WDR44: variants seen among roughly 807,000 people sequenced by gnomAD.
WDR44 encodes the protein WD repeat-containing protein 44.
A neutral mutation model predicts 65.7 loss-of-function variants in WDR44; 9 were observed. The ratio of observed to expected loss-of-function variants is 0.14; its 90% CI spans 0.08 to 0.24. WDR44 has a LOEUF of 0.24. Among genes scored for constraint, WDR44 ranks in the 10% least tolerant of loss-of-function variants. The pLI is 1.00. For missense variants in WDR44, 425 were observed against 670.9 expected (o/e 0.63, Z 4.05); for synonymous variants, 220 against 235.2 (o/e 0.94, Z 0.59).
intron 1 of WDR44, among the ~76,000 whole-genome samples, chrX:118,355,847 A>T (rs2056454089): frequency 9.0e-6 from 1 of 111,528 alleles, no homozygotes; most frequent in South Asian, 3.8e-4. Context: ...TTCCTATAAG[A>T]GGAGGTAGGT....
intron 8 of WDR44, 46 bp downstream of exon 8, chrX:118,398,516 A>G: frequency 9.7e-7 from 1 of 1,028,905 alleles, no homozygotes. Context: ...TTTTTATTTA[A>G]AAAAATATGA....
chrX:118,367,274 C>T (rs2056563037), intron 1 of WDR44, among the ~76,000 whole-genome samples: 1 of 111,438 alleles, frequency 9.0e-6, no homozygotes, highest in Admixed American at 9.6e-5. Context: ...TGGAAAAACT[C>T]CCCCTAAATA....
intron 12 of WDR44, among the ~76,000 whole-genome samples, chrX:118,430,837 G>A (rs1011130317): frequency 2.7e-5 from 3 of 111,416 alleles, no homozygotes; most frequent in Non-Finnish European, 3.8e-5. Flanking sequence ...GTGAAACTCC[G>A]AATCTGATTT....
chrX:118,346,834 TTC>T (rs2056355602), intron 1 of WDR44, among the ~76,000 whole-genome samples: 1 of 111,488 alleles, frequency 9.0e-6, no homozygotes, highest in Admixed American at 9.5e-5. Flanking sequence ...CGGAGCCCGT[TTC>T]TCTTCTGATC....
intron 1 of WDR44, among the ~76,000 whole-genome samples, chrX:118,351,601 T>G (rs2056403235): frequency 9.0e-6 from 1 of 111,730 alleles, no homozygotes; most frequent in Non-Finnish European, 1.9e-5. Flanking sequence ...AACATCATAT[T>G]GAAGTGAGAA....
intron 1 of WDR44, among the ~76,000 whole-genome samples, chrX:118,361,425 C>T (rs974382733): frequency 1.8e-5 from 2 of 111,537 alleles, no homozygotes; most frequent in Non-Finnish European, 3.8e-5. Context: ...TCTTTGAAAC[C>T]ACAGAAATTT....
Position 118,427,375 on chromosome X carries a change from A to G in WDR44, c.1738-5406A>G, listed in dbSNP as rs181414061. Among the ~76,000 whole-genome samples the G allele has an allele frequency of 8.7e-3, 924 of 105,716 alleles. 6 individuals carry two copies. The highest frequency in any genetic ancestry group is 0.029 in the African/African-American group (826 of 28,773). 91.8% of individuals were successfully genotyped at this position (105,716 alleles called of 115,157 possible). On this transcript the variant is annotated intron_variant, in intron 12 of 19. Transcript: ENST00000254029. ...AAGCTCCGCCTCCCGGGTTCACGCC[A>G]TTCTCCTGCCTCAGCCTCCCGAGTA...
chrX:118,388,152 A>G (rs986271286), intron 3 of WDR44, among the ~76,000 whole-genome samples: 5 of 112,068 alleles, frequency 4.5e-5, no homozygotes, highest in South Asian at 3.7e-4. Context: ...CTAAATGCCA[A>G]TAGCATCCTC....
rs566583864 is a variant in WDR44 at position 118,393,955 on chromosome X, G to C, written c.827-100G>C. On this transcript the variant is annotated intron_variant, in intron 4 of 19. Coordinates refer to ENST00000254029, the MANE Select transcript of WDR44 (RefSeq NM_019045.5). ...AACTTGTTTGAACCATGGTTTCCCTGTATAGGAAATGAGAGTAATCAAGCC... is the reference window on the plus strand; with the variant it reads ...AACTTGTTTGAACCATGGTTTCCCTCTATAGGAAATGAGAGTAATCAAGCC... The C allele has an allele frequency of 4.7e-5, 34 of 731,144 alleles. No homozygotes were observed. The South Asian group carries it at 8.1e-4, about 17-fold the overall frequency. 60.3% of individuals were successfully genotyped at this position (731,144 alleles called of 1,213,427 possible). A position where few individuals can be genotyped will look rare whatever the true frequency, so the allele number is the denominator to read the frequency against.
intron 3 of WDR44, 93 bp downstream of exon 3, chrX:118,387,507 C>A: frequency 1.8e-6 from 1 of 560,777 alleles, no homozygotes; most frequent in Non-Finnish European, 2.7e-6. Context: ...TAGTATAGCG[C>A]TCTGTACATG....
At chrX:118,383,720 C>CT (rs531607075) in intron 2 of WDR44, among the ~76,000 whole-genome samples, 19,812 of 84,360 alleles carry the variant, frequency 0.23, 2,495 homozygotes, top group African/African-American at 0.35. Context: ...TCCAAGTATT[C>CT]TTTTTTTTTT....
intron 1 of WDR44, among the ~76,000 whole-genome samples, chrX:118,348,097 G>A (rs1292716466): frequency 9.0e-6 from 1 of 111,680 alleles, no homozygotes; most frequent in Non-Finnish European, 1.9e-5. Context: ...GAGCTGATCA[G>A]TTTAGAACTA....
intron 1 of WDR44, among the ~76,000 whole-genome samples, chrX:118,360,642 C>A (rs999125150): frequency 8.9e-6 from 1 of 112,127 alleles, no homozygotes. Context: ...TATCTATGCT[C>A]ATACCCTGTT....
intron 1 of WDR44, among the ~76,000 whole-genome samples, chrX:118,366,532 G>A (rs2056553847): frequency 8.9e-6 from 1 of 111,796 alleles, no homozygotes; most frequent in South Asian, 3.6e-4. Context: ...AGAAATAAGA[G>A]AGATTGAAGG....
At chrX:118,425,749 A>G (rs1390758859) in intron 12 of WDR44, among the ~76,000 whole-genome samples, 2 of 112,295 alleles carry the variant, frequency 1.8e-5, no homozygotes, top group Non-Finnish European at 3.8e-5. Flanking sequence ...CAAAAGCCTT[A>G]TAATTTTCCA....
intron 1 of WDR44, among the ~76,000 whole-genome samples, chrX:118,369,347 G>C (rs1277282680): frequency 9.7e-6 from 1 of 103,338 alleles, no homozygotes; most frequent in Admixed American, 1.1e-4. Flanking sequence ...AATTTTTTGT[G>C]TTTTTGGTAG....
At chrX:118,434,421 T>G (rs760589301) in intron 13 of WDR44, among the ~76,000 whole-genome samples, 1 of 112,381 alleles carries the variant, frequency 8.9e-6, no homozygotes, top group South Asian at 3.7e-4. Flanking sequence ...TTTAATCTTT[T>G]AAAACTTGGG....
At chrX:118,381,576 CTTT>C (rs371445545) in intron 2 of WDR44, among the ~76,000 whole-genome samples, 5 of 87,098 alleles carry the variant, frequency 5.7e-5, no homozygotes, top group African/African-American at 9.3e-5. Context: ...GTTCTTTCTT[CTTT>C]TTTTTTTTTT....
intron 12 of WDR44, among the ~76,000 whole-genome samples, chrX:118,425,765 A>C (rs1187160999): frequency 9.0e-6 from 1 of 111,201 alleles, no homozygotes; most frequent in Non-Finnish European, 1.9e-5. Context: ...TTCCATAGCA[A>C]TCCAACTTTA....
Sources: gnomAD v4.1 joint callset for allele counts (sites outside exome capture counted in the v4.1 genomes callset) on GRCh38, gnomAD v4.1.1 for gene constraint, MANE v1.5 for transcripts, NCBI Gene and HGNC (gene_info 2026-07-23, HGNC 2026-07-21) for gene names.